The following ITIH5 variants were observed in gnomAD, a reference collection of about 807,000 sequenced individuals.
ITIH5 encodes the protein inter-alpha-trypsin inhibitor heavy chain H5.
A neutral mutation model predicts 77.5 loss-of-function variants in ITIH5; 65 were observed. That is an observed-to-expected ratio of 0.84 (90% confidence interval 0.69 to 1.03). ITIH5 has a LOEUF of 1.03. Ranked by LOEUF, ITIH5 falls within the 50% of genes least tolerant of loss-of-function variation. The probability of loss-of-function intolerance (pLI) is 0.00; values close to 1 mark genes in which losing one functional copy is unlikely to be tolerated. For missense variants in ITIH5, 1,208 were observed against 1,213.1 expected, an observed-to-expected ratio of 1.00 and a Z score of 0.06; for synonymous variants, 525 against 494.3, an observed-to-expected ratio of 1.06 and a Z score of -0.82.
intron 7 of ITIH5, among the ~76,000 whole-genome samples, chr10:7,603,774 G>A (rs1405214030): frequency 1.3e-5 from 2 of 152,072 alleles, no homozygotes; most frequent in Non-Finnish European, 2.9e-5. Flanking sequence ...TAGTAGAGAC[G>A]AGGTTTCACT....
At position 7,559,278 on chromosome 10, in the gene ITIH5, GA is replaced by G. The variant is rs1395131630; in HGVS notation, c.*3804del. ...TGCCTACAAACAAGCAGTGCAGTTA[GA>G]TTCTTCAAGTTTTATTCTCAACAGC... On this transcript the variant is annotated 3_prime_UTR_variant, in exon 14 of 14. Transcript: ENST00000397146. 6.6e-6 allele frequency: 1 copy of G among 152,274 alleles called. No homozygotes were observed. Among genetic ancestry groups the G allele is most frequent in the Non-Finnish European group, 1.5e-5 (1 of 68,104 alleles). The allele number at this position is 152,274 out of a possible 1,614,324, so 9.4% of individuals were successfully genotyped here. A position where few individuals can be genotyped will look rare whatever the true frequency, so the allele number is the denominator to read the frequency against.
chr10:7,582,039 C>T (rs1832571956), intron 8 of ITIH5, among the ~76,000 whole-genome samples: 1 of 151,698 alleles, frequency 6.6e-6, no homozygotes, highest in African/African-American at 2.4e-5. Flanking sequence ...CCATGCCTGG[C>T]TAATTTTTGT....
At chr10:7,665,746 G>A (rs530655065) in intron 1 of ITIH5, among the ~76,000 whole-genome samples, 2 of 152,280 alleles carry the variant, frequency 1.3e-5, no homozygotes, top group East Asian at 1.9e-4. Context: ...GGGCTTGCCC[G>A]GAACACACAA....
At chr10:7,591,765 C>G (rs971538308) in intron 7 of ITIH5, among the ~76,000 whole-genome samples, 7 of 152,172 alleles carry the variant, frequency 4.6e-5, no homozygotes, top group Non-Finnish European at 1.0e-4. Context: ...TCTCCTTTCA[C>G]GTTGATATAC....
rs1564232320 is a variant in ITIH5, at chr10:7,566,739, A to AAG, written c.2150-333_2150-332insCT. Among the ~76,000 whole-genome samples the AAG allele has an allele frequency of 1.6e-3, 48 of 29,676 alleles. 6 individuals carry two copies. Among genetic ancestry groups the AAG allele is most frequent in the African/African-American group, 5.5e-3 (42 of 7,604 alleles). 19.5% of individuals were successfully genotyped at this position (29,676 alleles called of 152,430 possible). Reference sequence around the variant, plus strand: ...CCTATCTCATTAAAAAAAAAAAAAAAAAGAAGAAGAAGAAGAAGAAGAAGA... The same window carrying AAG: ...CCTATCTCATTAAAAAAAAAAAAAAAAGAAGAAGAAGAAGAAGAAGAAGAAGA... On this transcript the variant is annotated intron_variant, in intron 12 of 13. Transcript: ENST00000397146.
chr10:7,657,290 G>A (rs1053729443), intron 1 of ITIH5, among the ~76,000 whole-genome samples: 6 of 150,300 alleles, frequency 4.0e-5, no homozygotes, highest in Non-Finnish European at 7.4e-5. Context: ...CTCGTGATCC[G>A]CCCGCCTCTG....
intron 7 of ITIH5, 35 bp from the exon 8 acceptor site, chr10:7,586,104 G>A (rs2130977264): frequency 6.3e-7 from 1 of 1,581,086 alleles, no homozygotes; most frequent in East Asian, 2.3e-5. Flanking sequence ...AGTCACAGCT[G>A]CTCACATAAG....
chr10:7,572,339 T>G, intron 11 of ITIH5: 1 of 1,367,698 alleles, frequency 7.3e-7, no homozygotes, highest in Non-Finnish European at 9.8e-7. Context: ...TCCAGGATGC[T>G]GGCAAAAGGA....
chr10:7,592,358 T>G (rs871049), intron 7 of ITIH5, among the ~76,000 whole-genome samples: 1 of 150,844 alleles, frequency 6.6e-6, no homozygotes, highest in African/African-American at 2.4e-5. Context: ...CCCAACATCA[T>G]GGCATTTTGT....
chr10:7,623,473 A>G (rs1833506349), intron 5 of ITIH5, among the ~76,000 whole-genome samples: 2 of 152,298 alleles, frequency 1.3e-5, no homozygotes, highest in Admixed American at 1.3e-4. Context: ...AAAACTGGTA[A>G]CACAGAGGCA....
intron 1 of ITIH5, 64 bp downstream of exon 1, chr10:7,666,739 G>A (rs1834367762): frequency 1.5e-6 from 2 of 1,372,004 alleles, no homozygotes; most frequent in East Asian, 2.4e-5. Flanking sequence ...AAGCTCCGCG[G>A]CCGGGCCGGC....
chr10:7,654,974 T>TA (rs1834157227), intron 2 of ITIH5, among the ~76,000 whole-genome samples: 4 of 151,772 alleles, frequency 2.6e-5, no homozygotes, highest in Admixed American at 1.3e-4. Flanking sequence ...AAATTTTTTT[T>TA]AATTCAAAAT....
At chr10:7,628,998 C>G (rs868534144) in intron 5 of ITIH5, among the ~76,000 whole-genome samples, 1 of 127,978 alleles carries the variant, frequency 7.8e-6, no homozygotes, top group African/African-American at 2.8e-5. Context: ...GGCATGCATC[C>G]ATGTTATCAT....
chr10:7,565,954 G>C, intron 13 of ITIH5, 76 bp downstream of exon 13: 1 of 1,534,210 alleles, frequency 6.5e-7, no homozygotes, highest in Non-Finnish European at 8.8e-7. Flanking sequence ...AACGAAAGGT[G>C]TTGGCAATAT....
chr10:7,657,762 T>G (rs1834211971), intron 1 of ITIH5, among the ~76,000 whole-genome samples: 1 of 152,212 alleles, frequency 6.6e-6, no homozygotes, highest in Non-Finnish European at 1.5e-5. Context: ...TTCTGGCCAA[T>G]AAGTTATGAA....
intron 8 of ITIH5, 59 bp downstream of exon 8, chr10:7,585,831 AAAAAAAAAACC>A: frequency 6.5e-6 from 9 of 1,393,442 alleles, no homozygotes; most frequent in African/African-American, 3.0e-5. Flanking sequence ...TTGGCAAAAA[AAAAAAAAAACC>A]AAAAAAAAAA....
At chr10:7,614,923 T>C (rs1385486464) in intron 7 of ITIH5, among the ~76,000 whole-genome samples, 1 of 152,180 alleles carries the variant, frequency 6.6e-6, no homozygotes, top group Admixed American at 6.5e-5. Flanking sequence ...ATCTCACTCA[T>C]TAAATCACAA....
chr10:7,637,671 G>C (rs184151866), intron 4 of ITIH5, among the ~76,000 whole-genome samples, 193 bp from the exon 5 acceptor site: 15 of 152,258 alleles, frequency 9.9e-5, no homozygotes, highest in African/African-American at 3.4e-4. Flanking sequence ...GCTAGAGGTA[G>C]GTCACGAAGG....
At chr10:7,592,993 G>A (rs1832825498) in intron 7 of ITIH5, among the ~76,000 whole-genome samples, 1 of 152,142 alleles carries the variant, frequency 6.6e-6, no homozygotes, top group African/African-American at 2.4e-5. Flanking sequence ...TGCCAGGAAG[G>A]CCACCCATGG....
Sources: allele counts gnomAD v4.1 joint callset (sites outside exome capture counted in the v4.1 genomes callset), GRCh38; gene constraint gnomAD v4.1.1; transcripts MANE v1.5; gene names NCBI Gene and HGNC (gene_info 2026-07-23, HGNC 2026-07-21).